The following PHACTR3 variants were observed in gnomAD, a reference collection of about 807,000 sequenced individuals.
PHACTR3 encodes protein phosphatase 1, regulatory subunit 123.
In PHACTR3, 16 loss-of-function variants were observed where a neutral mutation model predicts 66.8. That is an observed-to-expected ratio of 0.24 (90% CI 0.16 to 0.36). The LOEUF is 0.36. Ranked by LOEUF, PHACTR3 falls within the 10% of genes least tolerant of loss-of-function variation. The pLI is 1.00. For missense variants in PHACTR3, 647 were observed against 719.9 expected (o/e 0.90, Z 1.16); for synonymous variants, 323 against 292.1 (o/e 1.11, Z -1.08).
intron 1 of PHACTR3, among the ~76,000 whole-genome samples, chr20:59,700,131 A>G (rs1036951663): frequency 3.9e-5 from 6 of 152,100 alleles, no homozygotes; most frequent in African/African-American, 1.4e-4. Flanking sequence ...CACATGAATG[A>G]TGGCAATCTA....
chr20:59,594,931 T>C lies in PHACTR3; in HGVS notation c.109+17314T>C, dbSNP rs59013812. Among the ~76,000 whole-genome samples, 877 of 152,326 alleles carry C rather than the reference T, an allele frequency of 5.8e-3. 9 individuals carry two copies. Among genetic ancestry groups the C allele is most frequent in the African/African-American group, 0.02 (823 of 41,576 alleles). ...TTTCTAGGATATACCTTCAGTGTTA[T>C]AAATTTCACTCTAAACATTGTTCTC... On this transcript the variant is annotated intron_variant, in intron 1 of 12. Coordinates refer to the PHACTR3 transcript ENST00000359926.
At chr20:59,681,729 G>C (rs1314038166) in intron 1 of PHACTR3, among the ~76,000 whole-genome samples, 1 of 152,226 alleles carries the variant, frequency 6.6e-6, no homozygotes, top group African/African-American at 2.4e-5. Context: ...CAGGCCTCTG[G>C]GCCAGGCATG....
chr20:59,774,170 G>T, intron 6 of PHACTR3, 73 bp from the exon 7 acceptor site: 1 of 1,511,296 alleles, frequency 6.6e-7, no homozygotes, highest in Non-Finnish European at 8.8e-7. Flanking sequence ...TTCATTATAA[G>T]CTCCAAAGTC....
intron 8 of PHACTR3, chr20:59,836,304 C>T (rs570584398): frequency 8.9e-6 from 5 of 561,016 alleles, no homozygotes; most frequent in Admixed American, 3.4e-5. Flanking sequence ...AGCTCTGTGA[C>T]GGGAGAGCTT....
chr20:59,697,420 C>A (rs1421957983), intron 1 of PHACTR3, among the ~76,000 whole-genome samples: 2 of 152,178 alleles, frequency 1.3e-5, no homozygotes, highest in African/African-American at 4.8e-5. Context: ...TACTTCTTAT[C>A]CCCATCCTTG....
chr20:59,756,247 A>G (rs369365344), intron 4 of PHACTR3, among the ~76,000 whole-genome samples: 31 of 152,266 alleles, frequency 2.0e-4, no homozygotes, highest in African/African-American at 7.0e-4. Context: ...TTGACTTGGA[A>G]TCCTGATGTC....
At chr20:59,672,158 C>T (rs1048741139) in intron 1 of PHACTR3, among the ~76,000 whole-genome samples, 4 of 152,192 alleles carry the variant, frequency 2.6e-5, no homozygotes, top group African/African-American at 9.7e-5. Context: ...ATCTCATGGG[C>T]AGAGGCCAGG....
intron 1 of PHACTR3, among the ~76,000 whole-genome samples, chr20:59,614,707 G>A (rs571616247): frequency 6.6e-6 from 1 of 152,218 alleles, no homozygotes; most frequent in South Asian, 2.1e-4. Flanking sequence ...GTATTGTTAT[G>A]GCATTACTTT....
intron 1 of PHACTR3, among the ~76,000 whole-genome samples, chr20:59,728,528 G>A (rs748504915): frequency 4.6e-5 from 7 of 152,070 alleles, no homozygotes; most frequent in South Asian, 2.1e-4. Context: ...TCGACAGATC[G>A]ATGGATTAAC....
rs548632594 is a variant in PHACTR3 at position 59,736,224 on chromosome 20, C to T, written c.119-6883C>T. ...TGACAGACATTTCCCATTAATTAAC[C>T]TCTAATGCCTCAGAGGTGGCAGAGG... On this transcript the variant is annotated intron_variant, in intron 1 of 12. Transcript: ENST00000371015. This position sits in a 1 kb window ranked among gnomAD's most constrained non-coding sequence, Gnocchi z 4.6. 2.6e-4 allele frequency among the ~76,000 whole-genome samples: 39 copies of T among 152,242 alleles called. No homozygotes were observed. Among genetic ancestry groups the T allele is most frequent in the African/African-American group, 9.4e-4 (39 of 41,562 alleles).
chr20:59,627,315 G>T (rs1037440105), intron 1 of PHACTR3, among the ~76,000 whole-genome samples: 4 of 152,114 alleles, frequency 2.6e-5, no homozygotes, highest in Admixed American at 2.6e-4. Context: ...TCCCAAATAA[G>T]CTACCTTCAC....
intron 2 of PHACTR3, 126 bp downstream of exon 2, chr20:59,743,394 C>T: frequency 8.0e-7 from 1 of 1,251,132 alleles, no homozygotes; most frequent in Non-Finnish European, 1.1e-6. Context: ...TGCTTCATGG[C>T]CTGTGATGGC....
At chr20:59,719,028 A>G (rs1016566083) in intron 1 of PHACTR3, among the ~76,000 whole-genome samples, 1 of 152,262 alleles carries the variant, frequency 6.6e-6, no homozygotes, top group African/African-American at 2.4e-5. Context: ...GTACAGTTGC[A>G]TGAGGGTTTT....
At chr20:59,619,983 CT>C (rs1445806059) in intron 1 of PHACTR3, among the ~76,000 whole-genome samples, 2 of 152,156 alleles carry the variant, frequency 1.3e-5, no homozygotes, top group African/African-American at 4.8e-5. Context: ...TGTCAGGGCC[CT>C]TGTGACTGTT....
chr20:59,717,516 T>C (rs186340177), intron 1 of PHACTR3, among the ~76,000 whole-genome samples: 6 of 152,326 alleles, frequency 3.9e-5, no homozygotes, highest in Admixed American at 2.6e-4. Context: ...GTAAGGGGGA[T>C]AGCATTATCA....
intron 2 of PHACTR3, among the ~76,000 whole-genome samples, chr20:59,746,839 G>A (rs966290665): frequency 1.3e-5 from 2 of 152,248 alleles, no homozygotes; most frequent in Non-Finnish European, 1.5e-5. Context: ...CCAGTGGTCG[G>A]AGAAGACCCA....
chr20:59,656,258 A>G (rs937262340), intron 1 of PHACTR3, among the ~76,000 whole-genome samples: 1 of 151,752 alleles, frequency 6.6e-6, no homozygotes, highest in Admixed American at 6.6e-5. Context: ...GAAGTCTCCG[A>G]TTTTTATTAT....
intron 1 of PHACTR3, among the ~76,000 whole-genome samples, chr20:59,720,319 TG>T (rs1327562130): frequency 1.3e-5 from 2 of 152,208 alleles, no homozygotes; most frequent in East Asian, 3.9e-4. Flanking sequence ...ACACAAAAGC[TG>T]CCCATCAATG....
chr20:59,768,368 G>A (rs959648877), intron 5 of PHACTR3, among the ~76,000 whole-genome samples: 4 of 152,212 alleles, frequency 2.6e-5, no homozygotes, highest in African/African-American at 9.6e-5. Flanking sequence ...CCTAACCAGT[G>A]ATTAACCACC....
Sources: allele counts gnomAD v4.1 joint callset (sites outside exome capture counted in the v4.1 genomes callset), GRCh38; gene constraint gnomAD v4.1.1; non-coding constraint Gnocchi (gnomAD v3.1); transcripts MANE v1.5; gene names NCBI Gene and HGNC (gene_info 2026-07-23, HGNC 2026-07-21).